IRAK3: variants seen among roughly 807,000 people sequenced by gnomAD.
The protein encoded by IRAK3 is interleukin 1 receptor associated kinase 3.
A neutral mutation model predicts 56.6 loss-of-function variants in IRAK3; 57 were observed. The observed-to-expected ratio is 1.01, with a 90% CI of 0.81 to 1.26. IRAK3 has a LOEUF of 1.26. IRAK3 is among the 50% of genes most tolerant of loss of function. The pLI, the probability that IRAK3 is intolerant of heterozygous loss-of-function variation, is 0.00. For missense variants in IRAK3, 703 were observed against 719.0 expected (o/e 0.98, Z 0.25); for synonymous variants, 258 against 255.7 (o/e 1.01, Z -0.09).
At chr12:66,235,273 G>A in intron 8 of IRAK3, 2 of 1,540,878 alleles carry the variant, frequency 1.3e-6, no homozygotes, top group Non-Finnish European at 1.8e-6. Context: ...TGCCGCTGCT[G>A]CTGGGGAAGA....
At chr12:66,212,845 G>A (rs1255255013) in intron 5 of IRAK3, among the ~76,000 whole-genome samples, 2 of 152,028 alleles carry the variant, frequency 1.3e-5, no homozygotes, top group African/African-American at 4.8e-5. Flanking sequence ...CATGGACACA[G>A]AGGGGAGGGG....
chr12:66,216,065 G>A (rs990998582), intron 5 of IRAK3, among the ~76,000 whole-genome samples: 4 of 152,018 alleles, frequency 2.6e-5, no homozygotes, highest in East Asian at 3.9e-4. Context: ...GCCATTTCTC[G>A]GCAGCTCCTA....
chr12:66,248,400 C>T lies in IRAK3; in HGVS notation c.*229C>T, dbSNP rs931602391. ...GATAATTGTCTCATGACCAAATCCA[C>T]GCTCAATTAGAGCCATTCAAAATTC... On this transcript the variant is annotated 3_prime_UTR_variant, in exon 12 of 12. Transcript: ENST00000261233. 2.0e-5 allele frequency: 9 copies of T among 453,358 alleles called. No individual in the cohort carries two copies. Among genetic ancestry groups the T allele is most frequent in the African/African-American group, 7.8e-5 (4 of 51,052 alleles). 28.1% of individuals were successfully genotyped at this position (453,358 alleles called of 1,614,324 possible).
Position 66,245,142 on chromosome 12 carries a change from A to G in IRAK3, c.1194A>G (p.Ser398=), listed in dbSNP as rs892719925. The G allele has an allele frequency of 1.9e-6, 3 of 1,614,146 alleles. No individual in the cohort carries two copies. The South Asian group carries it at 3.3e-5, about 18-fold the overall frequency. The change falls in exon 11 of 12, where the codon TCA becomes TCG. Residue 398 remains serine, a synonymous_variant. Coordinates refer to ENST00000261233, the MANE Select transcript of IRAK3 (RefSeq NM_007199.3). The part of the protein sequence containing the change: ...RELMEKRGLD[S]CLSFLDKKVP... ...TGATGGAGAAGAGAGGCCTGGATTCATGTCTCTCATTTCTAGATAAGAAAG... is the reference window on the plus strand; with the variant it reads ...TGATGGAGAAGAGAGGCCTGGATTCGTGTCTCTCATTTCTAGATAAGAAAG...
intron 8 of IRAK3, among the ~76,000 whole-genome samples, chr12:66,228,674 A>AT (rs1020810513): frequency 8.9e-5 from 9 of 101,318 alleles, no homozygotes; most frequent in Middle Eastern, 5.0e-3. Flanking sequence ...CAACAAAATG[A>AT]TTTTTTTTAC....
At chr12:66,223,238 G>T (rs2136935323) in intron 6 of IRAK3, among the ~76,000 whole-genome samples, 1 of 152,288 alleles carries the variant, frequency 6.6e-6, no homozygotes, top group Middle Eastern at 3.4e-3. Flanking sequence ...AGGCCATCTG[G>T]ATGTATACAT....
At chr12:66,234,779 A>G in intron 8 of IRAK3, 2 of 1,595,994 alleles carry the variant, frequency 1.3e-6, no homozygotes, top group Non-Finnish European at 8.6e-7. Context: ...ATCACGTAGT[A>G]TCCTTGTAGA....
At position 66,249,824 on chromosome 12, in the gene IRAK3, G is replaced by T. The variant is rs936170422; in HGVS notation, c.*1653G>T. 1.3e-5 allele frequency: 2 copies of T among 152,032 alleles called. No homozygotes were observed. Among genetic ancestry groups the T allele is most frequent in the Non-Finnish European group, 2.9e-5 (2 of 68,018 alleles). 9.4% of individuals were successfully genotyped at this position (152,032 alleles called of 1,614,324 possible). ...TATAAAGACCTTTGTGATTTCACTGGGCCCACTCATATAAGCCAGGAAAAT... is the reference window on the plus strand; with the variant it reads ...TATAAAGACCTTTGTGATTTCACTGTGCCCACTCATATAAGCCAGGAAAAT... On this transcript the variant is annotated 3_prime_UTR_variant, in exon 12 of 12. Transcript: ENST00000261233.
At chr12:66,220,583 G>C (rs1365827153) in intron 6 of IRAK3, among the ~76,000 whole-genome samples, 1 of 138,570 alleles carries the variant, frequency 7.2e-6, no homozygotes, top group South Asian at 2.3e-4. Context: ...TGCAGTGGCG[G>C]GATCTCGGCT....
chr12:66,215,790 A>AAGTG (rs2052668454), intron 5 of IRAK3, among the ~76,000 whole-genome samples: 1 of 103,090 alleles, frequency 9.7e-6, no homozygotes, highest in African/African-American at 3.1e-5. Flanking sequence ...CAACATGCAC[A>AAGTG]CACACACACA....
In IRAK3 at chr12:66,249,709, C is replaced by A. The variant is rs191708369; in HGVS notation, c.*1538C>A. ...CTTCCTCCGTCTTCAAAGCCAGCAA[C>A]GTGACATTTCAGATCTCCCTCTCTC... On this transcript the variant is annotated 3_prime_UTR_variant, in exon 12 of 12. Transcript: ENST00000261233. The A allele has an allele frequency of 6.8e-6, 1 of 146,744 alleles. No homozygotes were observed. Among genetic ancestry groups the A allele is most frequent in the African/African-American group, 2.5e-5 (1 of 39,372 alleles). 9.1% of individuals were successfully genotyped at this position (146,744 alleles called of 1,614,324 possible). A position where few individuals can be genotyped will look rare whatever the true frequency, so the allele number is the denominator to read the frequency against.
intron 5 of IRAK3, among the ~76,000 whole-genome samples, chr12:66,214,866 A>C (rs2052653041): frequency 6.6e-6 from 1 of 152,206 alleles, no homozygotes; most frequent in South Asian, 2.1e-4. Context: ...GTGAGGATGC[A>C]GAGGAGAAAG....
intron 5 of IRAK3, among the ~76,000 whole-genome samples, chr12:66,213,205 C>T (rs979718702): frequency 7.9e-5 from 12 of 152,034 alleles, no homozygotes; most frequent in African/African-American, 2.9e-4. Flanking sequence ...TTTTTAAAAC[C>T]ATCAGATCTT....
rs866370715 is a variant in IRAK3, at chr12:66,224,658, C to A, written c.654-2065C>A. 2.1e-4 allele frequency among the ~76,000 whole-genome samples: 32 copies of A among 152,150 alleles called. No individual in the cohort carries two copies. The Middle Eastern group carries it at 0.01, about 49-fold the overall frequency. ...TTGTGGACCTGGCTTTTGGCTTAAC[C>A]TTTTATTTCATTTTCATAAGAACCT... On this transcript the variant is annotated intron_variant, in intron 6 of 11. Transcript: ENST00000261233.
chr12:66,209,070 C>CAAAAA (rs750939808), intron 2 of IRAK3, among the ~76,000 whole-genome samples: 1 of 54,536 alleles, frequency 1.8e-5, no homozygotes, highest in African/African-American at 6.3e-5. Flanking sequence ...GAGTCCATCT[C>CAAAAA]AAAAAAAAAA....
intron 1 of IRAK3, among the ~76,000 whole-genome samples, chr12:66,198,670 AT>A (rs2052478141): frequency 6.6e-6 from 1 of 152,122 alleles, no homozygotes; most frequent in Non-Finnish European, 1.5e-5. Flanking sequence ...TTATTTAAAT[AT>A]TCATTACTAT....
chr12:66,189,405 G>C lies in IRAK3; in HGVS notation c.106G>C (p.Asp36His). Residue 36 changes from aspartate to histidine, a missense_variant, in exon 1 of 12, where the codon GAC becomes CAC. By Grantham distance (81) the Asp-to-His change is moderately conservative (BLOSUM62 -1). Transcript: ENST00000261233. ...GCTCTGCGCTGTTCTGGACAGCTGC[G>C]ACGGCGCGCTGGGCTGGCGCGGCCT... ...GELCAVLDSCDGALGWRGLAE... is the reference protein window; with the variant it reads ...GELCAVLDSCHGALGWRGLAE... The C allele has an allele frequency of 1.4e-6, 2 of 1,450,064 alleles. No individual in the cohort carries two copies. The highest frequency in any genetic ancestry group is 2.6e-5 in the South Asian group (2 of 75,860). 89.8% of individuals were successfully genotyped at this position (1,450,064 alleles called of 1,614,324 possible). A position where few individuals can be genotyped will look rare whatever the true frequency, so the allele number is the denominator to read the frequency against.
chr12:66,211,544 G>GTA lies in IRAK3; in HGVS notation c.538_539dup (p.Arg181ThrfsTer8). The stretch of plus-strand genomic sequence containing the variant: ...AATTGGAGAAGGAGAGATTTTTGAG[G>GTA]TATACAGAGTGGAGATTCAAAACCT... On this transcript the variant is annotated frameshift_variant, in exon 5 of 12. Transcript: ENST00000261233. LOFTEE classifies it high-confidence loss of function. The GTA allele has an allele frequency of 6.2e-7, 1 of 1,611,512 alleles. No individual in the cohort carries two copies. Among genetic ancestry groups the GTA allele is most frequent in the Non-Finnish European group, 8.5e-7 (1 of 1,177,736 alleles).
At chr12:66,233,017 T>TTATTATTATTA in intron 8 of IRAK3, among the ~76,000 whole-genome samples, 1 of 144,464 alleles carries the variant, frequency 6.9e-6, no homozygotes, top group South Asian at 2.1e-4. Context: ...TATTATTATT[T>TTATTATTATTA]TTAAAAAGCC....
Sources: allele counts gnomAD v4.1 joint callset (sites outside exome capture counted in the v4.1 genomes callset), GRCh38; gene constraint gnomAD v4.1.1; transcripts MANE v1.5; gene names NCBI Gene and HGNC (gene_info 2026-07-23, HGNC 2026-07-21).